KIAA1549L: variants seen among roughly 807,000 people sequenced by gnomAD.
The protein encoded by KIAA1549L is KIAA1549 like, also known as UPF0606 protein KIAA1549L.
KIAA1549L carries 88 observed loss-of-function variants against 160.7 expected under a neutral mutation model. The observed-to-expected ratio is 0.55, with a 90% CI of 0.46 to 0.65. The LOEUF (loss-of-function observed/expected upper bound fraction) is 0.65, where lower values mean the gene tolerates loss of function less well. Among genes scored for constraint, KIAA1549L ranks in the 30% least tolerant of loss-of-function variants. The pLI, the probability that KIAA1549L is intolerant of heterozygous loss-of-function variation, is 0.00. For synonymous variants in KIAA1549L, 950 were observed against 976.7 expected, an observed-to-expected ratio of 0.97 and a Z score of 0.51; for missense variants, 2,258 against 2,437.5, an observed-to-expected ratio of 0.93 and a Z score of 1.55.
intron 17 of KIAA1549L, among the ~76,000 whole-genome samples, chr11:33,646,293 T>C (rs1347487132): frequency 2.6e-5 from 4 of 152,246 alleles, no homozygotes; most frequent in Non-Finnish European, 5.9e-5. Context: ...TTTTCTACTA[T>C]CCCTTCTATA....
intron 1 of KIAA1549L, among the ~76,000 whole-genome samples, chr11:33,530,414 GAAAAAAAAAA>G (rs71457306): frequency 0.014 from 237 of 16,448 alleles, 3 homozygotes; most frequent in African/African-American, 0.026. Context: ...GAAGAAGAAG[GAAAAAAAAAA>G]AAAAAAAAAA....
intron 16 of KIAA1549L, 69 bp downstream of exon 16, chr11:33,618,731 C>G (rs767013441): frequency 7.7e-5 from 103 of 1,333,448 alleles, no homozygotes; most frequent in Admixed American, 1.6e-4. Flanking sequence ...ATAGGGCATC[C>G]CACTGTGTTT....
chr11:33,473,523 C>A (rs1852225900), intron 1 of KIAA1549L, among the ~76,000 whole-genome samples: 1 of 152,176 alleles, frequency 6.6e-6, no homozygotes, highest in South Asian at 2.1e-4. Flanking sequence ...TTTAAAGTGG[C>A]CTAATTATAG....
At chr11:33,454,392 C>A (rs1050418965) in intron 1 of KIAA1549L, among the ~76,000 whole-genome samples, 2 of 152,182 alleles carry the variant, frequency 1.3e-5, no homozygotes, top group Non-Finnish European at 2.9e-5. Flanking sequence ...TATAGGCAGA[C>A]ACCCTGACAG....
intron 9 of KIAA1549L, among the ~76,000 whole-genome samples, chr11:33,573,875 T>C (rs1258509280): frequency 6.6e-6 from 1 of 152,178 alleles, no homozygotes; most frequent in Admixed American, 6.5e-5. Context: ...AGTAACAGTC[T>C]AAATGCTTAA....
chr11:33,655,950 C>T, intron 17 of KIAA1549L, 62 bp from the exon 18 acceptor site: 1 of 1,151,650 alleles, frequency 8.7e-7, no homozygotes, highest in Non-Finnish European at 1.3e-6. Context: ...ACAAGAGGAA[C>T]CTGTGTGCTG....
At chr11:33,666,800 A>G (rs910185646) in intron 20 of KIAA1549L, among the ~76,000 whole-genome samples, 1 of 152,246 alleles carries the variant, frequency 6.6e-6, no homozygotes, top group Non-Finnish European at 1.5e-5. Context: ...CTTAAAGCAG[A>G]CAGACCTCTG....
chr11:33,380,921 A>T (rs1850062124), intron 1 of KIAA1549L, among the ~76,000 whole-genome samples: 1 of 152,022 alleles, frequency 6.6e-6, no homozygotes, highest in Non-Finnish European at 1.5e-5. Flanking sequence ...TTGTTCATTC[A>T]TTCATTCCTT....
At chr11:33,418,802 T>C (rs537945291) in intron 1 of KIAA1549L, among the ~76,000 whole-genome samples, 7 of 152,044 alleles carry the variant, frequency 4.6e-5, no homozygotes, top group African/African-American at 9.7e-5. Flanking sequence ...GGCTAAAGCA[T>C]TGAAGGACAT....
intron 1 of KIAA1549L, among the ~76,000 whole-genome samples, chr11:33,447,838 C>G (rs1203056246): frequency 1.3e-5 from 2 of 152,076 alleles, no homozygotes; most frequent in African/African-American, 4.8e-5. Context: ...CTCAATAAAT[C>G]TGTAGTTGAA....
chr11:33,400,710 G>T (rs1209087723), intron 1 of KIAA1549L, among the ~76,000 whole-genome samples: 1 of 152,192 alleles, frequency 6.6e-6, no homozygotes, highest in Non-Finnish European at 1.5e-5. Flanking sequence ...GAATGTCTTT[G>T]CTGAAAAACT....
intron 1 of KIAA1549L, among the ~76,000 whole-genome samples, chr11:33,410,938 G>A (rs1301936706): frequency 6.6e-6 from 1 of 152,162 alleles, no homozygotes; most frequent in East Asian, 1.9e-4. Flanking sequence ...ACTGCAAAGA[G>A]GTACAAGTGA....
intron 10 of KIAA1549L, among the ~76,000 whole-genome samples, chr11:33,582,827 A>G (rs1203684268): frequency 6.6e-6 from 1 of 152,196 alleles, no homozygotes; most frequent in Non-Finnish European, 1.5e-5. Flanking sequence ...GCTCCCAGCC[A>G]GCTATTCTGG....
intron 1 of KIAA1549L, among the ~76,000 whole-genome samples, chr11:33,397,569 G>A (rs937349199): frequency 1.3e-4 from 20 of 151,414 alleles, no homozygotes; most frequent in South Asian, 2.1e-4. Flanking sequence ...AAAATTAGCC[G>A]GACGTGGTGG....
chr11:33,607,302 C>A (rs554465148), intron 14 of KIAA1549L, among the ~76,000 whole-genome samples: 1 of 152,178 alleles, frequency 6.6e-6, no homozygotes, highest in East Asian at 1.9e-4. Context: ...AAACTTGAAA[C>A]AACTCATTGG....
At position 33,408,362 on chromosome 11, in the gene KIAA1549L, CAT is replaced by C. The variant is rs200757801; in HGVS notation, c.238+31474_238+31475del. ...TGCGTGATCTTGGTTTTGGGCCTATCATGTGGTGTTTCCCCATCAGCAAAATT... is the reference window on the plus strand; with the variant it reads ...TGCGTGATCTTGGTTTTGGGCCTATCGTGGTGTTTCCCCATCAGCAAAATT... On this transcript the variant is annotated intron_variant, in intron 1 of 20. Transcript: ENST00000658780. Among the ~76,000 whole-genome samples the C allele has an allele frequency of 1.0e-3, 158 of 152,030 alleles. 3 individuals are homozygous for C. In the East Asian group the frequency reaches 0.028, roughly 27 times the overall value.
chr11:33,423,809 C>T (rs1851065487), intron 1 of KIAA1549L, among the ~76,000 whole-genome samples: 1 of 152,154 alleles, frequency 6.6e-6, no homozygotes, highest in Non-Finnish European at 1.5e-5. Context: ...AGGAGAATTG[C>T]TTCAGCCTAG....
intron 6 of KIAA1549L, among the ~76,000 whole-genome samples, chr11:33,554,613 C>T (rs1854584208): frequency 6.6e-6 from 1 of 152,210 alleles, no homozygotes; most frequent in Non-Finnish European, 1.5e-5. Context: ...CTTGTGGAAC[C>T]AAAGTGCCTT....
intron 1 of KIAA1549L, among the ~76,000 whole-genome samples, chr11:33,395,325 G>A (rs1435059816): frequency 1.3e-5 from 2 of 152,146 alleles, no homozygotes; most frequent in African/African-American, 2.4e-5. Flanking sequence ...TTCATAACGC[G>A]CTTAACTCTG....
Sources: gnomAD v4.1 joint callset for allele counts (sites outside exome capture counted in the v4.1 genomes callset) on GRCh38, gnomAD v4.1.1 for gene constraint, MANE v1.5 for transcripts, NCBI Gene and HGNC (gene_info 2026-07-23, HGNC 2026-07-21) for gene names.